TPM4: variants seen among roughly 807,000 people sequenced by gnomAD.
The protein encoded by TPM4 is tropomyosin alpha-4 chain.
Under a neutral mutation model 35.8 loss-of-function variants are expected in TPM4, and 17 were observed. The ratio of observed to expected loss-of-function variants is 0.47; its 90% CI spans 0.32 to 0.71. The LOEUF (loss-of-function observed/expected upper bound fraction) is 0.71. Ranked by LOEUF, TPM4 falls within the 30% of genes least tolerant of loss-of-function variation. The pLI is 0.03. For synonymous variants in TPM4, 120 were observed against 122.9 expected, an observed-to-expected ratio of 0.98 and a Z score of 0.15; for missense variants, 240 against 320.9, an observed-to-expected ratio of 0.75 and a Z score of 1.93.
intron 2 of TPM4, among the ~76,000 whole-genome samples, chr19:16,068,751 TTC>T (rs763758421): frequency 2.0e-4 from 30 of 152,122 alleles, no homozygotes; most frequent in East Asian, 7.7e-4. Flanking sequence ...GTGAGAGCAG[TTC>T]TGTGTGTGTG....
At chr19:16,099,242 G>A (rs2090737552) in intron 7 of TPM4, among the ~76,000 whole-genome samples, 1 of 152,040 alleles carries the variant, frequency 6.6e-6, no homozygotes, top group African/African-American at 2.4e-5. Flanking sequence ...ACCACACCCG[G>A]CTAATTTTTT....
chr19:16,089,480 A>G (rs146718784), intron 5 of TPM4, among the ~76,000 whole-genome samples: 79 of 152,336 alleles, frequency 5.2e-4, no homozygotes, highest in African/African-American at 1.9e-3. Flanking sequence ...AGCAATGATC[A>G]GAGGTGGAAT....
Position 16,067,594 on chromosome 19 carries a change from C to G in TPM4, c.-31C>G, listed in dbSNP as rs111263118. ...CGCAGCCCCCACAGAGCCCGCCGCG[C>G]ACCCCACGTCCCCCACGCCAGCGCC... On this transcript the variant is annotated 5_prime_UTR_variant, in exon 2 of 3. Coordinates refer to the TPM4 transcript ENST00000589897. The surrounding 1 kb of genome is among the most constrained non-coding windows in gnomAD (Gnocchi z 4.1). The G allele has an allele frequency of 6.2e-7, 1 of 1,600,560 alleles. No homozygotes were observed. The highest frequency in any genetic ancestry group is 1.1e-5 in the South Asian group (1 of 90,494).
chr19:16,073,275 A>G (rs118069974), upstream of TPM4, among the ~76,000 whole-genome samples: 448 of 152,326 alleles, frequency 2.9e-3, 6 homozygotes, highest in Non-Finnish European at 3.8e-3. Flanking sequence ...CCTACATGTT[A>G]GGAGAGTCCT....
intron 1 of TPM4, chr19:16,081,682 C>A: frequency 5.5e-6 from 2 of 364,582 alleles, no homozygotes; most frequent in East Asian, 9.7e-5. Context: ...GCATGAGCCA[C>A]CACGCTTGGC....
chr19:16,088,228 TC>T, intron 4 of TPM4, 131 bp downstream of exon 4: 1 of 1,432,594 alleles, frequency 7.0e-7, no homozygotes, highest in Non-Finnish European at 9.5e-7. Flanking sequence ...GGCTCATGGC[TC>T]ATCTTTTCTC....
In TPM4 at chr19:16,088,041, G is replaced by C; in HGVS notation, c.399G>C (p.Leu133=). The C allele has an allele frequency of 6.2e-7, 1 of 1,611,988 alleles. No homozygotes were observed. Among genetic ancestry groups the C allele is most frequent in the Non-Finnish European group, 8.5e-7 (1 of 1,179,414 alleles). The change falls in exon 4 of 8, where the codon CTG becomes CTC. Residue 133 remains leucine, a synonymous_variant. Transcript: ENST00000643579. ...TGTCTCTGCAGGTAGCTCGTAAGCT[G>C]GTCATCCTGGAGGGTGAGCTGGAGA... The part of the protein sequence containing the change: ...DRKYEEVARK[L]VILEGELERA...
At chr19:16,080,937 A>G (rs1025766215) in intron 1 of TPM4, 1 of 398,346 alleles carries the variant, frequency 2.5e-6, no homozygotes, top group Non-Finnish European at 4.4e-6. Context: ...TGAAAAGCCA[A>G]TAACACTATT....
intron 7 of TPM4, chr19:16,101,041 C>T (rs961807596): frequency 1.1e-5 from 4 of 357,756 alleles, no homozygotes; most frequent in African/African-American, 4.3e-5. Flanking sequence ...GGTGGTGGCA[C>T]GCGTCTGTAA....
chr19:16,077,259 A>G (rs1161816297), intron 1 of TPM4: 2 of 136,646 alleles, frequency 1.5e-5, no homozygotes, highest in African/African-American at 5.3e-5. Context: ...CGCGGCGGCG[A>G]CGTGTCTGCT....
At chr19:16,085,476 G>A (rs2090539080) in intron 2 of TPM4, among the ~76,000 whole-genome samples, 1 of 152,006 alleles carries the variant, frequency 6.6e-6, no homozygotes, top group South Asian at 2.1e-4. Context: ...CGAGGCAACA[G>A]GATTGCTTGA....
intron 2 of TPM4, among the ~76,000 whole-genome samples, chr19:16,068,999 T>C (rs965488165): frequency 6.8e-6 from 1 of 146,660 alleles, no homozygotes; most frequent in African/African-American, 2.5e-5. Flanking sequence ...GTGTAGATGG[T>C]GGGGGTCTGT....
upstream of TPM4, chr19:16,076,210 AGGCCGGAGCCCCGG>A: frequency 6.5e-7 from 1 of 1,550,042 alleles, no homozygotes; most frequent in Non-Finnish European, 8.7e-7. Flanking sequence ...CGGCGGGGCC[AGGCCGGAGCCCCGG>A]GGCCGGGAAG....
At chr19:16,083,171 C>T (rs2090505822) in intron 2 of TPM4, among the ~76,000 whole-genome samples, 2 of 152,116 alleles carry the variant, frequency 1.3e-5, no homozygotes, top group Admixed American at 1.3e-4. Context: ...GCACCAGGTG[C>T]CGTGGCTCAC....
At position 16,102,321 on chromosome 19, in the gene TPM4, A is replaced by C. The variant is rs1157326500; in HGVS notation, c.*975A>C. ...ACCACAGCGCTCCAGCCTGGTCGAC[A>C]GAGTGAGACTCCATCTCAAGAAAAA... On this transcript the variant is annotated 3_prime_UTR_variant, in exon 8 of 8. Coordinates refer to ENST00000643579, the MANE Select transcript of TPM4 (RefSeq NM_003290.3). The C allele has an allele frequency of 5.0e-6, 1 of 198,510 alleles. No homozygotes were observed. Among genetic ancestry groups the C allele is most frequent in the Admixed American group, 6.0e-5 (1 of 16,544 alleles). The allele number at this position is 198,510 out of a possible 1,614,324, so 12.3% of individuals were successfully genotyped here. A position where few individuals can be genotyped will look rare whatever the true frequency, so the allele number is the denominator to read the frequency against.
At chr19:16,084,597 C>T (rs2090524971) in intron 2 of TPM4, among the ~76,000 whole-genome samples, 1 of 152,142 alleles carries the variant, frequency 6.6e-6, no homozygotes, top group Non-Finnish European at 1.5e-5. Flanking sequence ...TTGGTGACAC[C>T]CCTGTTAAAG....
intron 1 of TPM4, among the ~76,000 whole-genome samples, chr19:16,079,225 C>T (rs1307563870): frequency 6.6e-6 from 1 of 152,206 alleles, no homozygotes; most frequent in African/African-American, 2.4e-5. Context: ...TAAAAGACAA[C>T]TCATGAATCA....
At chr19:16,082,150 G>T (rs969162637) in intron 2 of TPM4, 104 bp downstream of exon 2, 3 of 1,416,056 alleles carry the variant, frequency 2.1e-6, no homozygotes, top group African/African-American at 2.8e-5. Context: ...AGGTCACAAG[G>T]ACATGCATGT....
chr19:16,078,830 T>TTAAAA (rs572877651), intron 1 of TPM4, among the ~76,000 whole-genome samples: 6 of 126,394 alleles, frequency 4.7e-5, no homozygotes, highest in South Asian at 2.5e-4. Context: ...AGGGGTGGGT[T>TTAAAA]AAAAAAAAAA....
Sources: gnomAD v4.1 joint callset for allele counts (sites outside exome capture counted in the v4.1 genomes callset) on GRCh38, gnomAD v4.1.1 for gene constraint, Gnocchi (gnomAD v3.1) non-coding constraint, MANE v1.5 for transcripts, NCBI Gene and HGNC (gene_info 2026-07-23, HGNC 2026-07-21) for gene names.